TCAF1: variants seen among roughly 807,000 people sequenced by gnomAD.
TCAF1 encodes the protein TRPM8 channel associated factor 1.
In TCAF1, 4 loss-of-function variants were observed where a neutral mutation model predicts 27.3. That is an observed-to-expected ratio of 0.15 (90% CI 0.07 to 0.34). TCAF1 has a LOEUF of 0.34. Among genes scored for constraint, TCAF1 ranks in the 10% least tolerant of loss-of-function variants. The probability of loss-of-function intolerance (pLI) is 1.00; values close to 1 mark genes in which losing one functional copy is unlikely to be tolerated. For missense variants in TCAF1, 257 were observed against 425.8 expected, an observed-to-expected ratio of 0.60 and a Z score of 3.49; for synonymous variants, 105 against 167.1, an observed-to-expected ratio of 0.63 and a Z score of 2.87.
intron 1 of TCAF1, chr7:143,885,346 G>A (rs866907335): frequency 1.0e-6 from 1 of 984,786 alleles, no homozygotes; most frequent in African/African-American, 1.8e-5. Flanking sequence ...CGTGTGGGGG[G>A]AGGTGGGCTG....
chr7:143,878,701 T>C (rs963962268), intron 1 of TCAF1, among the ~76,000 whole-genome samples: 2 of 152,314 alleles, frequency 1.3e-5, no homozygotes, highest in Middle Eastern at 3.4e-3. Context: ...AGCTTGTCTC[T>C]TCCCTGCTCC....
At chr7:143,901,627 G>A (rs920939011) in intron 1 of TCAF1, among the ~76,000 whole-genome samples, 3 of 152,206 alleles carry the variant, frequency 2.0e-5, no homozygotes, top group East Asian at 1.9e-4. Context: ...AGCTAGCCTA[G>A]AAGAATGCAA....
At chr7:143,877,661 A>G (rs1812789898) in intron 1 of TCAF1, among the ~76,000 whole-genome samples, 1 of 152,212 alleles carries the variant, frequency 6.6e-6, no homozygotes, top group Non-Finnish European at 1.5e-5. Context: ...TGCTATGAGC[A>G]CTGTACTGAA....
At chr7:143,879,920 G>C (rs1812926595) in intron 1 of TCAF1, among the ~76,000 whole-genome samples, 2 of 152,076 alleles carry the variant, frequency 1.3e-5, no homozygotes, top group Admixed American at 6.6e-5. Flanking sequence ...AGTACAAGCA[G>C]AACAGGGACC....
intron 1 of TCAF1, among the ~76,000 whole-genome samples, chr7:143,896,890 TCA>T (rs1345691010): frequency 1.3e-5 from 2 of 150,006 alleles, no homozygotes; most frequent in African/African-American, 4.9e-5. Flanking sequence ...AGAAAATAAA[TCA>T]CAGAAAAAAT....
intron 2 of TCAF1, 62 bp downstream of exon 2, chr7:143,875,927 G>A: frequency 6.8e-7 from 1 of 1,461,060 alleles, no homozygotes; most frequent in Admixed American, 2.3e-5. Context: ...GCAACCTGAA[G>A]ATAAGAACTG....
At chr7:143,897,348 T>G (rs1461463011) in intron 1 of TCAF1, among the ~76,000 whole-genome samples, 1 of 151,508 alleles carries the variant, frequency 6.6e-6, no homozygotes, top group African/African-American at 2.4e-5. Flanking sequence ...TGATTCACTT[T>G]TACTTAATGA....
chr7:143,881,723 T>C (rs1301743024), intron 1 of TCAF1, among the ~76,000 whole-genome samples: 1 of 152,124 alleles, frequency 6.6e-6, no homozygotes, highest in African/African-American at 2.4e-5. Context: ...ACCATCCCCA[T>C]AGGAGTAAGC....
chr7:143,888,555 G>A (rs1213211802), intron 1 of TCAF1, among the ~76,000 whole-genome samples: 1 of 152,152 alleles, frequency 6.6e-6, no homozygotes, highest in East Asian at 1.9e-4. Flanking sequence ...AGATCAATGA[G>A]AATGAATAAT....
intron 1 of TCAF1, chr7:143,885,485 G>A (rs929407599): frequency 2.0e-6 from 2 of 985,356 alleles, no homozygotes; most frequent in Non-Finnish European, 1.2e-6. Context: ...CCAAGATGCC[G>A]CCCCAGATCC....
At chr7:143,888,686 C>A (rs1278942277) in intron 1 of TCAF1, among the ~76,000 whole-genome samples, 1 of 152,216 alleles carries the variant, frequency 6.6e-6, no homozygotes. Flanking sequence ...TTGGAAGATG[C>A]ACATGCATAT....
chr7:143,875,877 A>G, intron 2 of TCAF1, 112 bp downstream of exon 2: 1 of 944,846 alleles, frequency 1.1e-6, no homozygotes, highest in South Asian at 1.9e-5. Context: ...TAGTGATTCC[A>G]TATCTGAGTG....
intron 1 of TCAF1, chr7:143,885,471 TACCCCAAG>T (rs1813356308): frequency 1.0e-6 from 1 of 985,244 alleles, no homozygotes; most frequent in African/African-American, 1.7e-5. Flanking sequence ...TGTCAGTTTC[TACCCCAAG>T]ATGCCGCCCC....
chr7:143,901,678 C>T (rs1469122055), intron 1 of TCAF1, among the ~76,000 whole-genome samples: 1 of 152,196 alleles, frequency 6.6e-6, no homozygotes, highest in Non-Finnish European at 1.5e-5. Flanking sequence ...AGGGTTCCTG[C>T]TAGCTCAGAT....
intron 1 of TCAF1, chr7:143,885,079 C>T: frequency 1.0e-6 from 1 of 985,558 alleles, no homozygotes; most frequent in Non-Finnish European, 1.2e-6. Context: ...GGCCGCGCTC[C>T]CCAAGGACCC....
intron 1 of TCAF1, chr7:143,884,979 T>C: frequency 1.0e-6 from 1 of 985,328 alleles, no homozygotes; most frequent in Non-Finnish European, 1.2e-6. Context: ...CAACCCTTTT[T>C]GAAAGACATC....
intron 1 of TCAF1, chr7:143,885,664 C>T: frequency 7.5e-6 from 4 of 535,886 alleles, no homozygotes; most frequent in Non-Finnish European, 9.5e-6. Flanking sequence ...TTATATAAAT[C>T]TACTTATATA....
At chr7:143,885,320 A>G in intron 1 of TCAF1, 1 of 984,590 alleles carries the variant, frequency 1.0e-6, no homozygotes, top group Non-Finnish European at 1.2e-6. Context: ...TTGGTAGTGA[A>G]GTGGCTAGGA....
intron 1 of TCAF1, among the ~76,000 whole-genome samples, chr7:143,889,239 G>A (rs764281736): frequency 2.6e-5 from 4 of 152,100 alleles, no homozygotes; most frequent in Non-Finnish European, 5.9e-5. Context: ...GAAAGATTGT[G>A]GGAGAGTTAT....
Sources: gnomAD v4.1 joint callset for allele counts (sites outside exome capture counted in the v4.1 genomes callset) on GRCh38, gnomAD v4.1.1 for gene constraint, MANE v1.5 for transcripts, NCBI Gene and HGNC (gene_info 2026-07-23, HGNC 2026-07-21) for gene names.